Variants in MECOM observed in about 807,000 individuals in gnomAD.
MECOM encodes histone-lysine N-methyltransferase MECOM.
MECOM carries 13 observed loss-of-function variants against 116.3 expected under a neutral mutation model. That is an observed-to-expected ratio of 0.11 (90% CI 0.07 to 0.18). The LOEUF is 0.18. Ranked by LOEUF, MECOM falls within the 10% of genes least tolerant of loss-of-function variation. MECOM has a pLI of 1.00. For synonymous variants in MECOM, 528 were observed against 535.2 expected (o/e 0.99, Z 0.19); for missense variants, 1,299 against 1,509.0 (o/e 0.86, Z 2.31).
intron 2 of MECOM, among the ~76,000 whole-genome samples, chr3:169,328,976 C>G (rs978698242): frequency 6.6e-6 from 1 of 152,134 alleles, no homozygotes; most frequent in African/African-American, 2.4e-5. Flanking sequence ...AAATACTGTA[C>G]GGAACCTACT....
At chr3:169,336,857 G>A (rs781453789) in intron 2 of MECOM, among the ~76,000 whole-genome samples, 4 of 152,216 alleles carry the variant, frequency 2.6e-5, no homozygotes, top group Non-Finnish European at 4.4e-5. Flanking sequence ...CTACCTTTAT[G>A]TAAAAATCAA....
intron 2 of MECOM, among the ~76,000 whole-genome samples, chr3:169,327,530 C>T (rs1333638788): frequency 6.8e-6 from 1 of 148,108 alleles, no homozygotes; most frequent in Non-Finnish European, 1.5e-5. Context: ...CTCAGTCACT[C>T]GGGAGGCTGA....
chr3:169,467,084 G>A lies in MECOM; in HGVS notation c.38-85560C>T, dbSNP rs184251200. On this transcript the variant is annotated intron_variant, in intron 1 of 16. Coordinates refer to ENST00000651503, the MANE Select transcript of MECOM (RefSeq NM_004991.4). ...ACACCAAACTGAATTTCAAGATATC[G>A]TGAAAACAACTTACTGGTGAGTTTT... 1.4e-4 allele frequency: 21 copies of A among 152,268 alleles called. No homozygotes were observed. The East Asian group carries it at 2.3e-3, about 17-fold the overall frequency. 9.4% of individuals were successfully genotyped at this position (152,268 alleles called of 1,614,324 possible). A position where few individuals can be genotyped will look rare whatever the true frequency, so the allele number is the denominator to read the frequency against.
chr3:169,536,238 A>C (rs1043550334), intron 1 of MECOM, among the ~76,000 whole-genome samples: 2 of 152,172 alleles, frequency 1.3e-5, no homozygotes, highest in Non-Finnish European at 2.9e-5. Flanking sequence ...GAGTTGCTAG[A>C]ACTGGTCTTG....
At chr3:169,210,400 A>G (rs1388880234) in intron 2 of MECOM, among the ~76,000 whole-genome samples, 4 of 152,194 alleles carry the variant, frequency 2.6e-5, no homozygotes, top group African/African-American at 4.8e-5. Context: ...ACCAAGAAAC[A>G]TATTTCTGAA....
Position 169,505,079 on chromosome 3 carries a change from T to C in MECOM, c.38-123555A>G, listed in dbSNP as rs144348216. ...TATGTTGTTGCATGAATAGCAGAGA[T>C]TGGAGACAGAAAACAAACATGTCTA... On this transcript the variant is annotated intron_variant, in intron 1 of 16. Transcript: ENST00000651503. Among the ~76,000 whole-genome samples, 30 of 152,236 alleles carry C rather than the reference T, an allele frequency of 2.0e-4. No homozygotes were observed. The East Asian group carries it at 5.8e-3, about 29-fold the overall frequency.
In MECOM at chr3:169,461,472, A is replaced by G. The variant is rs140078583; in HGVS notation, c.38-79948T>C. Among the ~76,000 whole-genome samples the G allele has an allele frequency of 5.6e-3, 856 of 152,268 alleles. 12 individuals carry two copies. The highest frequency in any genetic ancestry group is 0.019 in the African/African-American group (809 of 41,552). On this transcript the variant is annotated intron_variant, in intron 1 of 16. Coordinates refer to ENST00000651503, the MANE Select transcript of MECOM (RefSeq NM_004991.4). Reference sequence around the variant, plus strand: ...ACATCTGTGCCTCCGCTTATACAGAATCTTTATTTTTCAAATATGAAAAAT... The same window carrying G: ...ACATCTGTGCCTCCGCTTATACAGAGTCTTTATTTTTCAAATATGAAAAAT...
At chr3:169,209,609 A>C (rs1240215645) in intron 2 of MECOM, among the ~76,000 whole-genome samples, 1 of 152,240 alleles carries the variant, frequency 6.6e-6, no homozygotes, top group Admixed American at 6.5e-5. Context: ...AAAAAAGCTC[A>C]ATATCACTGA....
At chr3:169,112,501 T>G (rs1252130192) in intron 9 of MECOM, among the ~76,000 whole-genome samples, 2 of 152,204 alleles carry the variant, frequency 1.3e-5, no homozygotes, top group Non-Finnish European at 2.9e-5. Flanking sequence ...CTTGGATATT[T>G]ATTTTCTTAA....
Position 169,138,745 on chromosome 3 carries a change from A to G in MECOM, c.510+4953T>C, listed in dbSNP as rs556225005. Among the ~76,000 whole-genome samples the G allele has an allele frequency of 6.3e-4, 96 of 151,226 alleles. 2 individuals carry two copies. In the South Asian group the frequency reaches 0.019, roughly 30 times the overall value. Reference sequence around the variant, plus strand: ...TGACAGTAGACACAAACATTTTTAAAAAGTATAAAGAGGGTAACAAATTAC... The same window carrying G: ...TGACAGTAGACACAAACATTTTTAAGAAGTATAAAGAGGGTAACAAATTAC... On this transcript the variant is annotated intron_variant, in intron 3 of 16. Coordinates refer to ENST00000651503, the MANE Select transcript of MECOM (RefSeq NM_004991.4).
intron 1 of MECOM, among the ~76,000 whole-genome samples, chr3:169,549,733 C>T (rs1761149898): frequency 6.6e-6 from 1 of 152,186 alleles, no homozygotes; most frequent in Non-Finnish European, 1.5e-5. Context: ...AATTAAAACC[C>T]AGATTTTCAG....
intron 1 of MECOM, among the ~76,000 whole-genome samples, chr3:169,641,115 A>C (rs923134888): frequency 6.6e-5 from 10 of 152,212 alleles, no homozygotes; most frequent in Admixed American, 6.5e-4. Flanking sequence ...TCAGGCAAAC[A>C]GGATGGTGGC....
intron 12 of MECOM, 23 bp downstream of exon 12, chr3:169,100,862 T>A: frequency 7.2e-7 from 1 of 1,396,060 alleles, no homozygotes; most frequent in South Asian, 1.8e-5. Context: ...TATCAAGATA[T>A]TTAGCAAATA....
intron 1 of MECOM, among the ~76,000 whole-genome samples, chr3:169,405,044 A>C (rs1736475380): frequency 6.6e-6 from 1 of 152,214 alleles, no homozygotes; most frequent in African/African-American, 2.4e-5. Context: ...CAGTTATAGC[A>C]CAGCGAAATG....
At chr3:169,662,669 C>A (rs1001758604) in intron 1 of MECOM, among the ~76,000 whole-genome samples, 1 of 151,594 alleles carries the variant, frequency 6.6e-6, no homozygotes, top group African/African-American at 2.4e-5. Flanking sequence ...AGAGCATGGC[C>A]GAGCGCACAG....
intron 2 of MECOM, among the ~76,000 whole-genome samples, chr3:169,254,615 A>G (rs1422512477): frequency 6.6e-6 from 1 of 152,098 alleles, no homozygotes; most frequent in Non-Finnish European, 1.5e-5. Flanking sequence ...ATAATTTCCT[A>G]AACTTTCATG....
chr3:169,099,128 AAAC>A (rs371673800), intron 12 of MECOM, among the ~76,000 whole-genome samples: 36,003 of 147,750 alleles, frequency 0.24, 4,631 homozygotes, highest in Non-Finnish European at 0.28. Context: ...AAAAAAAAAA[AAAC>A]CCAGAGGGGC....
chr3:169,101,946 T>A, intron 11 of MECOM, 114 bp downstream of exon 11: 1 of 961,082 alleles, frequency 1.0e-6, no homozygotes, highest in Non-Finnish European at 1.5e-6. Context: ...TGGAGATCTA[T>A]TATGGTGGCT....
At chr3:169,282,985 T>C (rs1712444984) in intron 2 of MECOM, among the ~76,000 whole-genome samples, 1 of 152,150 alleles carries the variant, frequency 6.6e-6, no homozygotes, top group South Asian at 2.1e-4. Context: ...AACTTTTTTT[T>C]CCATGGGGAC....
Sources: gnomAD v4.1 joint callset for allele counts (sites outside exome capture counted in the v4.1 genomes callset) on GRCh38, gnomAD v4.1.1 for gene constraint, MANE v1.5 for transcripts, NCBI Gene and HGNC (gene_info 2026-07-23, HGNC 2026-07-21) for gene names.